The following TMEM117 variants were observed in gnomAD, a reference collection of about 807,000 sequenced individuals.
The protein encoded by TMEM117 is transmembrane protein 117.
A neutral mutation model predicts 52.4 loss-of-function variants in TMEM117; 27 were observed. The ratio of observed to expected loss-of-function variants is 0.51; its 90% CI spans 0.38 to 0.71. TMEM117 has a LOEUF of 0.71. Ranked by LOEUF, TMEM117 falls within the 30% of genes least tolerant of loss-of-function variation. The pLI is 0.00. For synonymous variants in TMEM117, 215 were observed against 206.3 expected (o/e 1.04, Z -0.36); for missense variants, 556 against 630.5 (o/e 0.88, Z 1.26).
intron 6 of TMEM117, among the ~76,000 whole-genome samples, chr12:44,371,258 T>A (rs559316314): frequency 2.7e-4 from 41 of 152,280 alleles, no homozygotes; most frequent in African/African-American, 9.4e-4. Context: ...TATTCATAGA[T>A]CTAAATTCAG....
intron 3 of TMEM117, among the ~76,000 whole-genome samples, chr12:44,126,731 A>G (rs887348156): frequency 2.0e-5 from 3 of 152,246 alleles, no homozygotes; most frequent in African/African-American, 4.8e-5. Context: ...CAACATAAAC[A>G]TGACCTCTAT....
intron 6 of TMEM117, among the ~76,000 whole-genome samples, chr12:44,353,138 G>A (rs1343950776): frequency 2.0e-5 from 3 of 152,028 alleles, no homozygotes; most frequent in Non-Finnish European, 4.4e-5. Flanking sequence ...CTTTTTGATG[G>A]GGTTGTCTGT....
chr12:44,298,824 T>C (rs1950800583), intron 5 of TMEM117, among the ~76,000 whole-genome samples: 2 of 150,778 alleles, frequency 1.3e-5, no homozygotes, highest in Non-Finnish European at 2.9e-5. Context: ...GGTCCCTGTA[T>C]GGAGCTTATC....
At chr12:44,304,983 G>A (rs750380737) in intron 6 of TMEM117, among the ~76,000 whole-genome samples, 5 of 152,136 alleles carry the variant, frequency 3.3e-5, no homozygotes, top group Middle Eastern at 3.2e-3. Context: ...CAGCTCAGCC[G>A]CAGTGGGGTA....
At position 43,992,307 on chromosome 12, in the gene TMEM117, G is replaced by A. The variant is rs1945956246; in HGVS notation, c.410+47965G>A. ...TTTAATTTAGAGATGAGGTCTCACT[G>A]TATTGCCCAGGTTAGAATGCAGTGG... is the stretch of plus-strand genomic sequence containing the variant. On this transcript the variant is annotated intron_variant, in intron 3 of 7. Coordinates refer to ENST00000266534, the MANE Select transcript of TMEM117 (RefSeq NM_032256.3). Among the ~76,000 whole-genome samples the A allele has an allele frequency of 2.6e-5, 4 of 151,930 alleles. No individual in the cohort carries two copies. In the South Asian group the frequency reaches 6.2e-4, roughly 24 times the overall value.
chr12:43,982,762 G>A (rs1415855324), intron 3 of TMEM117, among the ~76,000 whole-genome samples: 1 of 152,126 alleles, frequency 6.6e-6, no homozygotes, highest in Non-Finnish European at 1.5e-5. Context: ...TACTTGTTCT[G>A]TCATATTGCC....
At chr12:43,883,819 T>TG (rs1943941443) in intron 2 of TMEM117, among the ~76,000 whole-genome samples, 1 of 151,468 alleles carries the variant, frequency 6.6e-6, no homozygotes, top group Non-Finnish European at 1.5e-5. Context: ...CAAGCAACTC[T>TG]ATTCTAAGGG....
intron 4 of TMEM117, among the ~76,000 whole-genome samples, chr12:44,175,120 A>G (rs955253419): frequency 2.0e-5 from 3 of 152,208 alleles, no homozygotes; most frequent in African/African-American, 7.2e-5. Flanking sequence ...GAAACTATTG[A>G]AGCAGATTTT....
At chr12:43,898,060 AC>A (rs1368543447) in intron 2 of TMEM117, among the ~76,000 whole-genome samples, 1 of 151,900 alleles carries the variant, frequency 6.6e-6, no homozygotes, top group Non-Finnish European at 1.5e-5. Flanking sequence ...ACACACACAC[AC>A]ACACACACAC....
At chr12:43,917,462 G>T (rs1004552644) in intron 2 of TMEM117, among the ~76,000 whole-genome samples, 1 of 152,132 alleles carries the variant, frequency 6.6e-6, no homozygotes, top group East Asian at 1.9e-4. Flanking sequence ...GCAATCTTAT[G>T]AAGTGGTTAC....
chr12:44,397,550 C>T, the TMEM117 span, among the ~76,000 whole-genome samples: 5 of 152,164 alleles, frequency 3.3e-5, no homozygotes, highest in Admixed American at 1.3e-4. Flanking sequence ...CTCTAAAACT[C>T]GGACGAACTG....
intron 3 of TMEM117, among the ~76,000 whole-genome samples, chr12:44,035,403 A>G (rs978878739): frequency 7.9e-5 from 12 of 152,202 alleles, no homozygotes; most frequent in African/African-American, 2.9e-4. Flanking sequence ...GCAATGCTGG[A>G]CATTTGAAGA....
chr12:43,884,602 C>T (rs1943958099), intron 2 of TMEM117, among the ~76,000 whole-genome samples: 2 of 152,162 alleles, frequency 1.3e-5, no homozygotes, highest in South Asian at 4.1e-4. Flanking sequence ...GTGGAATCTT[C>T]CAAGCAACTG....
At chr12:44,382,379 G>A (rs928587308) in intron 7 of TMEM117, among the ~76,000 whole-genome samples, 2 of 152,262 alleles carry the variant, frequency 1.3e-5, no homozygotes, top group Admixed American at 6.5e-5. Context: ...TCCAATTTTA[G>A]CTATGTCGTG....
intron 5 of TMEM117, among the ~76,000 whole-genome samples, chr12:44,283,979 C>T (rs1049659464): frequency 2.0e-5 from 3 of 152,114 alleles, no homozygotes; most frequent in East Asian, 1.9e-4. Flanking sequence ...AGGGTTTCCA[C>T]TTCTGTGTCT....
chr12:44,282,623 C>T (rs1460220884), intron 5 of TMEM117, among the ~76,000 whole-genome samples: 1 of 152,154 alleles, frequency 6.6e-6, no homozygotes, highest in African/African-American at 2.4e-5. Flanking sequence ...GCAAAGCATT[C>T]AAGAGGTGAC....
At chr12:44,267,318 A>G (rs909976153) in intron 5 of TMEM117, among the ~76,000 whole-genome samples, 2 of 151,986 alleles carry the variant, frequency 1.3e-5, no homozygotes, top group African/African-American at 4.8e-5. Flanking sequence ...TAGATTGTTC[A>G]TTACTAGTGT....
At chr12:43,804,382 T>G in the TMEM117 span, 1 of 716,988 alleles carries the variant, frequency 1.4e-6, no homozygotes, top group East Asian at 2.9e-5. Flanking sequence ...CCGTAAGATT[T>G]GAACTTGCTT....
chr12:44,088,895 C>A (rs1947616825), intron 3 of TMEM117, among the ~76,000 whole-genome samples: 1 of 152,214 alleles, frequency 6.6e-6, no homozygotes, highest in South Asian at 2.1e-4. Flanking sequence ...GCAAAAGTAT[C>A]AAACACTATA....
Sources: allele counts gnomAD v4.1 joint callset (sites outside exome capture counted in the v4.1 genomes callset), GRCh38; gene constraint gnomAD v4.1.1; transcripts MANE v1.5; gene names NCBI Gene and HGNC (gene_info 2026-07-23, HGNC 2026-07-21).